The following MALRD1 variants were observed in gnomAD, a reference collection of about 807,000 sequenced individuals.
MALRD1 encodes MAM and LDL-receptor class A domain-containing protein 1.
In MALRD1, 247 loss-of-function variants were observed where a neutral mutation model predicts 242.1. The ratio of observed to expected loss-of-function variants is 1.02; its 90% CI spans 0.92 to 1.13. The LOEUF (loss-of-function observed/expected upper bound fraction) is 1.13, where lower values mean the gene tolerates loss of function less well. MALRD1 is among the 50% of genes most tolerant of loss of function. The pLI is 0.00. For missense variants in MALRD1, 2,989 were observed against 2,533.1 expected (o/e 1.18, Z -3.86); for synonymous variants, 995 against 866.6 (o/e 1.15, Z -2.60).
chr10:19,085,030 G>A (rs1315665605), intron 2 of MALRD1, among the ~76,000 whole-genome samples: 1 of 151,784 alleles, frequency 6.6e-6, no homozygotes, highest in Non-Finnish European at 1.5e-5. Context: ...GATATATGAT[G>A]ATAATGGTGA....
chr10:19,166,629 A>G (rs923938756), intron 13 of MALRD1, among the ~76,000 whole-genome samples: 1 of 152,192 alleles, frequency 6.6e-6, no homozygotes, highest in Non-Finnish European at 1.5e-5. Context: ...TGGTATCCCA[A>G]TTACCTTTAT....
chr10:19,209,765 A>C, intron 18 of MALRD1, 85 bp downstream of exon 18: 2 of 1,314,316 alleles, frequency 1.5e-6, no homozygotes, highest in South Asian at 1.6e-5. Flanking sequence ...TCTCTAATTA[A>C]AAGCAAGTGG....
intron 31 of MALRD1, among the ~76,000 whole-genome samples, chr10:19,520,669 G>A (rs1282243597): frequency 6.6e-6 from 1 of 151,970 alleles, no homozygotes; most frequent in African/African-American, 2.4e-5. Context: ...TGAAACCATA[G>A]TGAGTGTTTA....
chr10:19,129,429 G>T (rs1041170213), intron 8 of MALRD1, among the ~76,000 whole-genome samples: 1 of 152,076 alleles, frequency 6.6e-6, no homozygotes, highest in Admixed American at 6.6e-5. Context: ...TCCCAGGTGT[G>T]CACCCTCTAG....
intron 24 of MALRD1, among the ~76,000 whole-genome samples, chr10:19,346,241 A>G (rs2130976780): frequency 6.6e-6 from 1 of 152,336 alleles, no homozygotes; most frequent in South Asian, 2.1e-4. Flanking sequence ...CAAGTGCAAT[A>G]GAACTTGGAC....
intron 2 of MALRD1, among the ~76,000 whole-genome samples, chr10:19,084,335 C>T (rs1305481307): frequency 6.7e-6 from 1 of 150,306 alleles, no homozygotes; most frequent in Non-Finnish European, 1.5e-5. Flanking sequence ...AATTAGTGCA[C>T]TTTCATATTT....
chr10:19,261,775 C>T (rs184738087), intron 19 of MALRD1, among the ~76,000 whole-genome samples: 15 of 123,142 alleles, frequency 1.2e-4, no homozygotes, highest in African/African-American at 3.7e-4. Flanking sequence ...CAAAATCAAC[C>T]TTTTCCCCTC....
intron 38 of MALRD1, among the ~76,000 whole-genome samples, chr10:19,729,639 TG>T (rs1337620828): frequency 1.3e-5 from 2 of 151,498 alleles, no homozygotes; most frequent in Admixed American, 1.3e-4. Context: ...TACTTTTTTT[TG>T]TTCCTACGAT....
At chr10:19,574,676 C>T (rs995390337) in intron 33 of MALRD1, among the ~76,000 whole-genome samples, 2 of 152,122 alleles carry the variant, frequency 1.3e-5, no homozygotes, top group African/African-American at 4.8e-5. Context: ...ACTCTCTAGA[C>T]CATGTTATGT....
intron 28 of MALRD1, among the ~76,000 whole-genome samples, chr10:19,421,556 A>C (rs1237585449): frequency 6.6e-6 from 1 of 152,230 alleles, no homozygotes; most frequent in Non-Finnish European, 1.5e-5. Flanking sequence ...AGAATGTTTA[A>C]AAGCTTTACA....
intron 18 of MALRD1, among the ~76,000 whole-genome samples, chr10:19,252,137 TAATG>T (rs1382824088): frequency 1.3e-5 from 2 of 152,048 alleles, no homozygotes; most frequent in Non-Finnish European, 2.9e-5. Flanking sequence ...AAGTTTAAAA[TAATG>T]AATGGCAGCT....
chr10:19,695,615 G>A (rs1400060578), intron 38 of MALRD1, among the ~76,000 whole-genome samples: 1 of 150,522 alleles, frequency 6.6e-6, no homozygotes, highest in Non-Finnish European at 1.5e-5. Context: ...CACCACCTGA[G>A]TTCAAATGAT....
intron 7 of MALRD1, among the ~76,000 whole-genome samples, chr10:19,124,935 CT>C (rs1173453764): frequency 9.1e-4 from 48 of 52,574 alleles, no homozygotes; most frequent in Non-Finnish European, 1.2e-3. Flanking sequence ...TATTAAAAGG[CT>C]TTTTTTTTTT....
At chr10:19,473,263 T>C (rs1468390010) in intron 29 of MALRD1, among the ~76,000 whole-genome samples, 1 of 151,616 alleles carries the variant, frequency 6.6e-6, no homozygotes, top group Non-Finnish European at 1.5e-5. Flanking sequence ...CCTGGCATAC[T>C]ACAGACAACA....
chr10:19,539,860 G>T (rs1197597116), intron 32 of MALRD1, among the ~76,000 whole-genome samples: 4 of 35,920 alleles, frequency 1.1e-4, no homozygotes, highest in Non-Finnish European at 2.2e-4. Context: ...CTTTGTGCGT[G>T]TGTGTGTGTG....
intron 29 of MALRD1, among the ~76,000 whole-genome samples, chr10:19,477,077 A>G (rs909561194): frequency 2.6e-4 from 40 of 152,128 alleles, no homozygotes; most frequent in Admixed American, 2.0e-3. Flanking sequence ...ACATTCAGAG[A>G]TGGGAATGCC....
Position 19,268,793 on chromosome 10 carries a change from C to T in MALRD1, c.3079+11022C>T, listed in dbSNP as rs192912564. 1.4e-3 allele frequency among the ~76,000 whole-genome samples: 213 copies of T among 152,152 alleles called. 1 individual carries two copies. The highest frequency in any genetic ancestry group is 0.01 in the Middle Eastern group (3 of 294). On this transcript the variant is annotated intron_variant, in intron 19 of 39. Coordinates refer to ENST00000454679, the MANE Select transcript of MALRD1 (RefSeq NM_001142308.3). ...AAAACAAGTTGGAAAATCTATTTTA[C>T]CAGAGAGAATATATTAATGTAGCCT...
chr10:19,381,049 TCCCTCCC>T (rs1222712081), intron 26 of MALRD1, among the ~76,000 whole-genome samples: 2 of 119,000 alleles, frequency 1.7e-5, no homozygotes, highest in African/African-American at 3.3e-5. Flanking sequence ...CCCAGTGCTA[TCCCTCCC>T]CCCTCCCCCC....
chr10:19,087,998 G>T (rs1444361517), intron 3 of MALRD1, 26 bp from the exon 4 acceptor site: 3 of 1,232,986 alleles, frequency 2.4e-6, no homozygotes, highest in South Asian at 4.1e-5. Flanking sequence ...TATCATAATT[G>T]TTTGGGTACT....
Sources: gnomAD v4.1 joint callset for allele counts (sites outside exome capture counted in the v4.1 genomes callset) on GRCh38, gnomAD v4.1.1 for gene constraint, MANE v1.5 for transcripts, NCBI Gene and HGNC (gene_info 2026-07-23, HGNC 2026-07-21) for gene names.